The following DENND5B variants were observed in gnomAD, a reference collection of about 807,000 sequenced individuals.
DENND5B encodes the protein DENN domain-containing protein 5B.
A neutral mutation model predicts 140.6 loss-of-function variants in DENND5B; 34 were observed. The observed-to-expected ratio is 0.24, with a 90% CI of 0.18 to 0.32. The LOEUF is 0.32. Ranked by LOEUF, DENND5B falls within the 10% of genes least tolerant of loss-of-function variation. The probability of loss-of-function intolerance (pLI) is 1.00; values close to 1 mark genes in which losing one functional copy is unlikely to be tolerated. For missense variants in DENND5B, 1,142 were observed against 1,560.2 expected (o/e 0.73, Z 4.52); for synonymous variants, 551 against 562.1 (o/e 0.98, Z 0.28).
intron 1 of DENND5B, among the ~76,000 whole-genome samples, chr12:31,502,726 G>C (rs2138841383): frequency 6.6e-6 from 1 of 152,244 alleles, no homozygotes; most frequent in African/African-American, 2.4e-5. Flanking sequence ...CTTCTACGCT[G>C]GGGGGCTACT....
rs1199517228 is a variant in DENND5B at position 31,400,835 on chromosome 12, G to A, written c.2950-1063C>T. On this transcript the variant is annotated intron_variant, in intron 15 of 20. Coordinates refer to ENST00000389082, the MANE Select transcript of DENND5B (RefSeq NM_144973.4). ...ATTTTTTTGTACCCATTAGAGCTAC[G>A]AGTTTTTTTTTTTTGTTTTTTTTTT... is the stretch of plus-strand genomic sequence containing the variant. 3.4e-5 allele frequency among the ~76,000 whole-genome samples: 4 copies of A among 117,158 alleles called. No homozygotes were observed. In the East Asian group the frequency reaches 8.8e-4, roughly 26 times the overall value. The allele number at this position is 117,158 out of a possible 152,430, so 76.9% of individuals were successfully genotyped here. A position where few individuals can be genotyped will look rare whatever the true frequency, so the allele number is the denominator to read the frequency against.
intron 11 of DENND5B, among the ~76,000 whole-genome samples, chr12:31,418,413 G>A (rs546450474): frequency 2.7e-5 from 4 of 150,788 alleles, no homozygotes; most frequent in Non-Finnish European, 5.9e-5. Context: ...TTGATAGCTG[G>A]GATTACAGGT....
At chr12:31,546,895 G>A (rs968755587) in intron 1 of DENND5B, among the ~76,000 whole-genome samples, 3 of 152,134 alleles carry the variant, frequency 2.0e-5, no homozygotes, top group Admixed American at 6.5e-5. Context: ...TTTACAGTCC[G>A]CAACATGAAT....
chr12:31,418,374 G>A (rs1481741977), intron 11 of DENND5B, among the ~76,000 whole-genome samples: 4 of 145,672 alleles, frequency 2.7e-5, no homozygotes, highest in South Asian at 2.2e-4. Flanking sequence ...CTCCACCTCC[G>A]GGCTAAGCGA....
At chr12:31,418,684 C>T (rs1011599106) in intron 11 of DENND5B, among the ~76,000 whole-genome samples, 4 of 151,978 alleles carry the variant, frequency 2.6e-5, no homozygotes, top group East Asian at 1.9e-4. Flanking sequence ...GCCACACAGG[C>T]GGTAAGAAAT....
At chr12:31,447,471 G>T (rs554890213) in intron 6 of DENND5B, 67 bp downstream of exon 6, 3 of 1,382,190 alleles carry the variant, frequency 2.2e-6, no homozygotes, top group Admixed American at 2.2e-5. Context: ...TGTACGTAAG[G>T]CCAGCAATTT....
At position 31,459,123 on chromosome 12, in the gene DENND5B, A is replaced by G. The variant is rs529025283; in HGVS notation, c.1092+1071T>C. On this transcript the variant is annotated intron_variant, in intron 4 of 20. Coordinates refer to ENST00000389082, the MANE Select transcript of DENND5B (RefSeq NM_144973.4). ...GCTACTCGGGAGGACGAGGCAGGAG[A>G]ATCACTTAAACCCAGGAGGCGGTGA... Among the ~76,000 whole-genome samples, 99 of 152,100 alleles carry G rather than the reference A, an allele frequency of 6.5e-4. 2 individuals are homozygous for G. In the South Asian group the frequency reaches 0.017, roughly 27 times the overall value.
rs1274425606 is a variant in DENND5B at position 31,496,049 on chromosome 12, T to C, written c.128-130A>G. On this transcript the variant is annotated intron_variant, in intron 1 of 20. Transcript: ENST00000389082. ...GATTCAATTTCTGCCTCTAACCATC[T>C]GTATTGTAAAATCCCGATGGACAAC... 2.3e-5 allele frequency: 13 copies of C among 567,660 alleles called. No homozygotes were observed. In the East Asian group the frequency reaches 3.6e-4, roughly 16 times the overall value. The allele number at this position is 567,660 out of a possible 1,614,324, so 35.2% of individuals were successfully genotyped here.
intron 9 of DENND5B, 25 bp downstream of exon 9, chr12:31,426,264 ACTGT>A: frequency 1.3e-6 from 2 of 1,590,492 alleles, no homozygotes; most frequent in South Asian, 1.2e-5. Context: ...ATGAATGCAC[ACTGT>A]CTGGCATCAG....
chr12:31,531,166 G>A (rs752520772), intron 1 of DENND5B, among the ~76,000 whole-genome samples: 1 of 151,868 alleles, frequency 6.6e-6, no homozygotes, highest in Non-Finnish European at 1.5e-5. Context: ...ATCCTACTAC[G>A]AGTTAATAAC....
intron 11 of DENND5B, among the ~76,000 whole-genome samples, chr12:31,415,884 G>A (rs1044838893): frequency 6.6e-6 from 1 of 151,516 alleles, no homozygotes; most frequent in Admixed American, 6.6e-5. Flanking sequence ...TCTCTAGGCT[G>A]GAGTGCAATG....
At chr12:31,495,143 A>G (rs1946707170) in intron 2 of DENND5B, among the ~76,000 whole-genome samples, 1 of 152,216 alleles carries the variant, frequency 6.6e-6, no homozygotes, top group East Asian at 1.9e-4. Context: ...TTGAAACATG[A>G]GAACTGTAAT....
chr12:31,424,342 A>G (rs993492852), intron 10 of DENND5B, among the ~76,000 whole-genome samples, 193 bp downstream of exon 10: 5 of 152,112 alleles, frequency 3.3e-5, no homozygotes, highest in Admixed American at 1.3e-4. Context: ...CCCGCTTAGC[A>G]GGAAAGAGCC....
At position 31,402,511 on chromosome 12, in the gene DENND5B, T is replaced by G. The variant is rs747597075; in HGVS notation, c.2936A>C (p.Glu979Ala). 6.7e-5 allele frequency: 108 copies of G among 1,613,456 alleles called. No individual in the cohort carries two copies. The highest frequency in any genetic ancestry group is 8.7e-5 in the Non-Finnish European group (103 of 1,179,754). The stretch of plus-strand genomic sequence containing the variant: ...AGCTGAACCTACCTCAAAGGTCATT[T>G]CGAGGAGGTTTTTGGGAATCTGCAT... The part of the protein sequence containing the change: ...GVMQIPKNLL[E>A]MTFECQNLGK... The change falls in exon 15 of 21, where the codon GAA becomes GCA. Residue 979 changes from glutamate (E) to alanine (A), a missense_variant. Around this residue, in one of 5 missense-constraint regions of DENND5B, gnomAD observed 268 missense variants for 349.2 expected, o/e 0.77. Transcript: ENST00000389082.
At chr12:31,484,471 A>G (rs1946208196) in intron 2 of DENND5B, among the ~76,000 whole-genome samples, 1 of 152,046 alleles carries the variant, frequency 6.6e-6, no homozygotes, top group South Asian at 2.1e-4. Flanking sequence ...AAAACTCGGT[A>G]AGTGGGTGCC....
rs1237670734 is a variant in DENND5B, at chr12:31,382,488, T to C, written c.*5115A>G. ...AAAAAAGATACACAGGTTACATTTA[T>C]ACATGGTTCAAGTGTAACACAGAGC... On this transcript the variant is annotated 3_prime_UTR_variant, in exon 21 of 21. Transcript: ENST00000389082. 3 of 152,190 alleles carry C rather than the reference T, an allele frequency of 2.0e-5. No individual in the cohort carries two copies. The highest frequency in any genetic ancestry group is 7.2e-5 in the African/African-American group (3 of 41,456). 9.4% of individuals were successfully genotyped at this position (152,190 alleles called of 1,614,324 possible).
chr12:31,558,132 G>C (rs989028974), intron 1 of DENND5B, among the ~76,000 whole-genome samples: 2 of 152,166 alleles, frequency 1.3e-5, no homozygotes, highest in Admixed American at 1.3e-4. Context: ...AACAGCGCTA[G>C]AGATACTCAG....
intron 1 of DENND5B, among the ~76,000 whole-genome samples, chr12:31,572,859 A>G (rs1949873351): frequency 6.6e-6 from 1 of 152,210 alleles, no homozygotes; most frequent in Non-Finnish European, 1.5e-5. Flanking sequence ...CTCTCCCGAA[A>G]TATACCATTT....
At chr12:31,390,310 A>G (rs1941060369) in intron 19 of DENND5B, among the ~76,000 whole-genome samples, 1 of 152,232 alleles carries the variant, frequency 6.6e-6, no homozygotes, top group Non-Finnish European at 1.5e-5. Flanking sequence ...CAGTGTTATT[A>G]AGAAAATGAA....
Sources: allele counts gnomAD v4.1 joint callset (sites outside exome capture counted in the v4.1 genomes callset), GRCh38; gene constraint gnomAD v4.1.1; regional missense constraint gnomAD v4.1.1; transcripts MANE v1.5; gene names NCBI Gene and HGNC (gene_info 2026-07-23, HGNC 2026-07-21).